PNPT1: variants seen among roughly 807,000 people sequenced by gnomAD.
PNPT1 encodes polyribonucleotide nucleotidyltransferase 1.
In PNPT1, 53 loss-of-function variants were observed where a neutral mutation model predicts 119.5. The ratio of observed to expected loss-of-function variants is 0.44; its 90% CI spans 0.36 to 0.56. The LOEUF is 0.56. Among genes scored for constraint, PNPT1 ranks in the 20% least tolerant of loss-of-function variants. The probability of loss-of-function intolerance (pLI) is 0.00; values close to 1 mark genes in which losing one functional copy is unlikely to be tolerated. For synonymous variants in PNPT1, 357 were observed against 322.1 expected (o/e 1.11, Z -1.16); for missense variants, 948 against 938.5 (o/e 1.01, Z -0.13).
At chr2:55,651,376 G>C (rs1191292479) in intron 18 of PNPT1, among the ~76,000 whole-genome samples, 1 of 152,042 alleles carries the variant, frequency 6.6e-6, no homozygotes, top group African/African-American at 2.4e-5. Context: ...GATGGTTGCC[G>C]TGTCTGTGTA....
chr2:55,691,765 T>A (rs1470247085), intron 1 of PNPT1, among the ~76,000 whole-genome samples: 1 of 150,328 alleles, frequency 6.7e-6, no homozygotes, highest in Non-Finnish European at 1.5e-5. Flanking sequence ...GGGAGTGGAA[T>A]AAGCCTTAGA....
chr2:55,642,434 G>C (rs921841566), intron 25 of PNPT1, among the ~76,000 whole-genome samples: 1 of 151,302 alleles, frequency 6.6e-6, no homozygotes, highest in Admixed American at 6.6e-5. Context: ...GTAAAACCCC[G>C]TCTCTACTAA....
At chr2:55,680,280 T>C (rs185353644) in intron 7 of PNPT1, among the ~76,000 whole-genome samples, 48 of 152,326 alleles carry the variant, frequency 3.2e-4, no homozygotes, top group African/African-American at 1.1e-3. Context: ...TTCATTGTTG[T>C]ATTGCTAGGG....
chr2:55,681,181 C>T (rs180891832), intron 5 of PNPT1, among the ~76,000 whole-genome samples: 47 of 151,038 alleles, frequency 3.1e-4, no homozygotes, highest in African/African-American at 1.1e-3. Flanking sequence ...CTGAGGAGGG[C>T]GGATCACCTG....
At chr2:55,671,260 C>A in intron 11 of PNPT1, 59 bp downstream of exon 11, 1 of 871,970 alleles carries the variant, frequency 1.1e-6, no homozygotes, top group Non-Finnish European at 1.7e-6. Context: ...AAGAGTCAGG[C>A]CATGCCTTAT....
Position 55,687,698 on chromosome 2 carries a change from C to T in PNPT1, c.169G>A (p.Glu57Lys). The part of the protein sequence containing the change: ...VAVDLGNRKL[E>K]ISSGKLARFA... ...CTGGCCAGCTTTCCAGAAGATATTT[C>T]TAATTTCCTGTTTAAAAATAAAAAT... Residue 57 changes from glutamate to lysine, a missense_variant, in exon 2 of 28, where the codon GAA becomes AAA. Coordinates refer to ENST00000447944, the MANE Select transcript of PNPT1 (RefSeq NM_033109.5). The T allele has an allele frequency of 6.2e-7, 1 of 1,602,182 alleles. No homozygotes were observed. The highest frequency in any genetic ancestry group is 8.5e-7 in the Non-Finnish European group (1 of 1,175,332).
At chr2:55,661,217 C>G (rs755144917) in intron 14 of PNPT1, among the ~76,000 whole-genome samples, 4 of 151,172 alleles carry the variant, frequency 2.6e-5, no homozygotes, top group Non-Finnish European at 4.4e-5. Flanking sequence ...CTCAGCTTCC[C>G]GAGTAGCTGG....
chr2:55,661,091 C>CTTTTTTT (rs1171064705), intron 14 of PNPT1, among the ~76,000 whole-genome samples: 2 of 71,596 alleles, frequency 2.8e-5, no homozygotes, highest in African/African-American at 1.3e-4. Context: ...AATAGAGATT[C>CTTTTTTT]TTTTTTTTTT....
chr2:55,682,957 C>G (rs1039814280), intron 5 of PNPT1, among the ~76,000 whole-genome samples: 9 of 152,096 alleles, frequency 5.9e-5, no homozygotes, highest in Admixed American at 5.9e-4. Flanking sequence ...CTGTGATATT[C>G]TTGCAAAGGC....
chr2:55,652,022 A>T (rs1053460136), intron 18 of PNPT1, among the ~76,000 whole-genome samples: 4 of 152,180 alleles, frequency 2.6e-5, no homozygotes, highest in African/African-American at 9.7e-5. Flanking sequence ...TTCATGTGAA[A>T]TACAGGCCCT....
intron 27 of PNPT1, 80 bp from the exon 28 acceptor site, chr2:55,636,472 T>A (rs1695678627): frequency 1.4e-6 from 2 of 1,435,870 alleles, no homozygotes. Flanking sequence ...TAAATTTACA[T>A]GGTCCAAATA....
At position 55,646,299 on chromosome 2, in the gene PNPT1, T is replaced by C; in HGVS notation, c.1698A>G (p.Ile566Met). The stretch of plus-strand genomic sequence containing the variant: ...TAGCCTCCATCACAATTTTTATTGG[T>C]ATTCCAGGTAATTTAATATCAGCCT... ...ALQADIKLPG[I>M]PIKIVMEAIQ... is the part of the protein sequence containing the mutation. Residue 566 changes from isoleucine (I) to methionine (M), a missense_variant, in exon 21 of 28, where the codon ATA becomes ATG. Coordinates refer to ENST00000447944, the MANE Select transcript of PNPT1 (RefSeq NM_033109.5). 6.2e-7 allele frequency: 1 copy of C among 1,613,196 alleles called. No homozygotes were observed. Among genetic ancestry groups the C allele is most frequent in the Non-Finnish European group, 8.5e-7 (1 of 1,179,296 alleles).
At chr2:55,683,957 T>C in intron 4 of PNPT1, 123 bp from the exon 5 acceptor site, 1 of 826,638 alleles carries the variant, frequency 1.2e-6, no homozygotes, top group Middle Eastern at 3.5e-4. Context: ...TGGACTGATT[T>C]ACTAAGAGGG....
intron 18 of PNPT1, among the ~76,000 whole-genome samples, chr2:55,654,684 A>G (rs1415011186): frequency 1.3e-5 from 2 of 152,220 alleles, no homozygotes; most frequent in African/African-American, 4.8e-5. Context: ...ACTAAAACCC[A>G]AATTTAAAGA....
At chr2:55,642,739 A>G (rs940509259) in intron 25 of PNPT1, among the ~76,000 whole-genome samples, 1 of 152,096 alleles carries the variant, frequency 6.6e-6, no homozygotes, top group African/African-American at 2.4e-5. Context: ...TAATGATTAT[A>G]TGGCAATTGG....
intron 27 of PNPT1, 42 bp from the exon 28 acceptor site, chr2:55,636,434 T>C (rs761336387): frequency 1.3e-5 from 21 of 1,593,136 alleles, no homozygotes; most frequent in South Asian, 2.2e-5. Flanking sequence ...TTACAGCACA[T>C]TGAGTGACAT....
chr2:55,653,562 C>T (rs1559093716), intron 18 of PNPT1, among the ~76,000 whole-genome samples: 1 of 152,198 alleles, frequency 6.6e-6, no homozygotes, highest in Non-Finnish European at 1.5e-5. Context: ...ATCACCATGT[C>T]CTAACAACTT....
At chr2:55,676,837 C>G (rs782623) in intron 8 of PNPT1, among the ~76,000 whole-genome samples, 140,661 of 151,184 alleles carry the variant, frequency 0.93, 65,954 homozygotes, top group African/African-American at 0.96. Flanking sequence ...ACTCCAGCCT[C>G]GGCAACAGAG....
intron 10 of PNPT1, among the ~76,000 whole-genome samples, chr2:55,671,752 G>A (rs922853077): frequency 3.3e-5 from 5 of 152,152 alleles, no homozygotes; most frequent in Admixed American, 1.3e-4. Flanking sequence ...GAGAATCGCT[G>A]GAAGGCGAAA....
Sources: gnomAD v4.1 joint callset for allele counts (sites outside exome capture counted in the v4.1 genomes callset) on GRCh38, gnomAD v4.1.1 for gene constraint, MANE v1.5 for transcripts, NCBI Gene and HGNC (gene_info 2026-07-23, HGNC 2026-07-21) for gene names.